MID1: variants seen among roughly 807,000 people sequenced by gnomAD.
The protein encoded by MID1 is E3 ubiquitin-protein ligase Midline-1.
Under a neutral mutation model 40.4 loss-of-function variants are expected in MID1, and 7 were observed. That is an observed-to-expected ratio of 0.17 (90% CI 0.10 to 0.33). The LOEUF (loss-of-function observed/expected upper bound fraction) is 0.33, where lower values mean the gene tolerates loss of function less well. Among genes scored for constraint, MID1 ranks in the 10% least tolerant of loss-of-function variants. The pLI, the probability that MID1 is intolerant of heterozygous loss-of-function variation, is 1.00. For synonymous variants in MID1, 229 were observed against 221.2 expected (o/e 1.04, Z -0.31); for missense variants, 367 against 558.5 (o/e 0.66, Z 3.46).
intron 1 of MID1, among the ~76,000 whole-genome samples, chrX:10,780,585 C>G (rs991828047): frequency 1.8e-5 from 2 of 112,006 alleles, no homozygotes; most frequent in Non-Finnish European, 3.8e-5. Flanking sequence ...ATTGTTGAAA[C>G]ATTAATTTCA....
intron 1 of MID1, among the ~76,000 whole-genome samples, chrX:10,822,091 T>C (rs746493428): frequency 9.0e-6 from 1 of 111,165 alleles, no homozygotes; most frequent in South Asian, 3.8e-4. Context: ...CTTAAAAAAT[T>C]ATGGCATTTT....
At chrX:10,691,640 G>T (rs1000422438) in intron 1 of MID1, among the ~76,000 whole-genome samples, 1 of 111,671 alleles carries the variant, frequency 9.0e-6, no homozygotes, top group African/African-American at 3.3e-5. Flanking sequence ...TGTACAAATT[G>T]ATTGTAAAAT....
At chrX:10,699,062 G>T (rs1262393170) in intron 1 of MID1, among the ~76,000 whole-genome samples, 1 of 111,437 alleles carries the variant, frequency 9.0e-6, no homozygotes, top group Non-Finnish European at 1.9e-5. Context: ...TAAGGCCCTG[G>T]CTCTGACTAC....
At chrX:10,740,565 G>C (rs7056248) in intron 1 of MID1, among the ~76,000 whole-genome samples, 11,895 of 111,871 alleles carry the variant, frequency 0.11, 1,529 homozygotes, top group African/African-American at 0.36. Context: ...GTTGTGGCAT[G>C]AAATCCCTGC....
chrX:10,486,825 G>A (rs12115880), intron 4 of MID1, among the ~76,000 whole-genome samples: 1,654 of 111,738 alleles, frequency 0.015, 37 homozygotes, highest in African/African-American at 0.05. Context: ...TTCATCATAT[G>A]AGCTTCAGAG....
At chrX:10,764,091 A>G (rs1334555333) in intron 1 of MID1, among the ~76,000 whole-genome samples, 9 of 111,798 alleles carry the variant, frequency 8.1e-5, no homozygotes, top group Middle Eastern at 4.6e-3. Context: ...GGTAGATTGT[A>G]AACATTTTCT....
intron 1 of MID1, among the ~76,000 whole-genome samples, chrX:10,682,738 G>A (rs927908276): frequency 4.5e-5 from 5 of 111,387 alleles, no homozygotes; most frequent in African/African-American, 1.6e-4. Context: ...CCTTTTCCCT[G>A]ATCATTAATA....
intron 6 of MID1, 51 bp downstream of exon 6, chrX:10,474,572 G>T: frequency 8.5e-7 from 1 of 1,171,628 alleles, no homozygotes; most frequent in Non-Finnish European, 1.2e-6. Flanking sequence ...GTGGCAAAGT[G>T]TTTATATCAC....
chrX:10,571,671 T>A (rs1378661800), intron 1 of MID1, among the ~76,000 whole-genome samples: 1 of 110,037 alleles, frequency 9.1e-6, no homozygotes, highest in Non-Finnish European at 1.9e-5. Context: ...CCCAGCACTT[T>A]GGGAGGCTGA....
rs369254888 is a variant in MID1, at chrX:10,648,690, T to C, written c.-186-28271A>G. Among the ~76,000 whole-genome samples, 218 of 111,873 alleles carry C rather than the reference T, an allele frequency of 1.9e-3. 2 individuals carry two copies. In the South Asian group the frequency reaches 0.081, roughly 42 times the overall value. Reference sequence around the variant, plus strand: ...ACAATGTTATATGTCCAGTAACTCCTGTTACATTTTGTTTTTCTTCCTGGG... The same window carrying C: ...ACAATGTTATATGTCCAGTAACTCCCGTTACATTTTGTTTTTCTTCCTGGG... On this transcript the variant is annotated intron_variant, in intron 1 of 10. Coordinates refer to the MID1 transcript ENST00000380785.
chrX:10,460,785 C>T (rs1294248368), intron 7 of MID1, among the ~76,000 whole-genome samples: 1 of 111,212 alleles, frequency 9.0e-6, no homozygotes, highest in Non-Finnish European at 1.9e-5. Flanking sequence ...TTATACTTTA[C>T]CAGATTCTCA....
At chrX:10,452,629 C>T (rs377397821) in intron 9 of MID1, among the ~76,000 whole-genome samples, 1 of 112,186 alleles carries the variant, frequency 8.9e-6, no homozygotes, top group African/African-American at 3.2e-5. Context: ...GGCATTTAAT[C>T]GTAGGGGGTG....
At chrX:10,523,273 A>G in intron 2 of MID1, 86 bp from the exon 3 acceptor site, 1 of 650,093 alleles carries the variant, frequency 1.5e-6, no homozygotes. Context: ...ATTCTCAGGA[A>G]AAACTGATAC....
intron 1 of MID1, among the ~76,000 whole-genome samples, chrX:10,823,022 C>G (rs1279623174): frequency 8.9e-6 from 1 of 111,789 alleles, no homozygotes; most frequent in African/African-American, 3.3e-5. Context: ...TACATGCACA[C>G]TTATGTTCAT....
At chrX:10,465,240 C>T (rs1037980939) in intron 7 of MID1, among the ~76,000 whole-genome samples, 3 of 97,190 alleles carry the variant, frequency 3.1e-5, no homozygotes, top group Non-Finnish European at 4.1e-5. Flanking sequence ...CACACACACA[C>T]ACACACACAC....
intron 3 of MID1, among the ~76,000 whole-genome samples, chrX:10,497,437 TG>T (rs995004743): frequency 1.8e-5 from 2 of 111,962 alleles, no homozygotes; most frequent in African/African-American, 6.5e-5. Flanking sequence ...AGTATCTGAT[TG>T]GGTTCTTCAT....
chrX:10,579,950 C>A (rs907606416), intron 1 of MID1, among the ~76,000 whole-genome samples: 2 of 110,006 alleles, frequency 1.8e-5, no homozygotes, highest in Admixed American at 9.7e-5. Flanking sequence ...AGAACAGCGT[C>A]GGGACTGTGT....
intron 7 of MID1, 57 bp from the exon 8 acceptor site, chrX:10,459,864 A>G (rs1158140433): frequency 2.7e-6 from 3 of 1,091,843 alleles, no homozygotes; most frequent in Admixed American, 2.2e-5. Flanking sequence ...CAATGTTTGC[A>G]TAATTTTAGG....
rs766217789 is a variant in MID1, at chrX:10,449,514, C to A, written c.1858G>T (p.Ala620Ser). ...GTGTAGAGGTGGATGGAGTTCAAAG[C>A]ATCATAAAAGGCGATAGAGCCGTTA... is the stretch of plus-strand genomic sequence containing the variant. ...YDNGSIAFYD[A>S]LNSIHLYTFD... The change falls in exon 10 of 10, where the codon GCT (alanine) becomes TCT (serine). Residue 620 changes from alanine to serine, a missense_variant. This residue lies in a region of MID1 where 275 missense variants were observed against 383.1 expected (regional missense o/e 0.72). Coordinates refer to ENST00000317552, the MANE Select transcript of MID1 (RefSeq NM_000381.4). The A allele has an allele frequency of 8.3e-7, 1 of 1,211,829 alleles. No individual in the cohort carries two copies. Among genetic ancestry groups the A allele is most frequent in the Admixed American group, 2.2e-5 (1 of 46,041 alleles).
Sources: gnomAD v4.1 joint callset for allele counts (sites outside exome capture counted in the v4.1 genomes callset) on GRCh38, gnomAD v4.1.1 for gene constraint, gnomAD v4.1.1 regional missense constraint, MANE v1.5 for transcripts, NCBI Gene and HGNC (gene_info 2026-07-23, HGNC 2026-07-21) for gene names.